IGFN1: variants seen among roughly 807,000 people sequenced by gnomAD.
The protein encoded by IGFN1 is immunoglobulin-like and fibronectin type III domain-containing protein 1.
A neutral mutation model predicts 289.5 loss-of-function variants in IGFN1; 253 were observed. The ratio of observed to expected loss-of-function variants is 0.87; its 90% confidence interval spans 0.79 to 0.97. IGFN1 has a LOEUF of 0.97. Ranked by LOEUF, IGFN1 falls within the 50% of genes least tolerant of loss-of-function variation. The pLI, the probability that IGFN1 is intolerant of heterozygous loss-of-function variation, is 0.00. For synonymous variants in IGFN1, 1,706 were observed against 1,788.5 expected (o/e 0.95, Z 1.16); for missense variants, 4,470 against 4,686.1 (o/e 0.95, Z 1.35).
chr1:201,194,694 A>T (rs936177971), intron 3 of IGFN1, among the ~76,000 whole-genome samples: 2 of 152,204 alleles, frequency 1.3e-5, no homozygotes, highest in Non-Finnish European at 2.9e-5. Flanking sequence ...TGTGGCTCAC[A>T]GGCTGGGCTC....
Position 201,210,021 on chromosome 1 carries a change from T to C in IGFN1, c.5128T>C (p.Tyr1710His). 1 of 1,472,502 alleles carries C rather than the reference T, an allele frequency of 6.8e-7. No individual in the cohort carries two copies. Among genetic ancestry groups the C allele is most frequent in the South Asian group, 1.2e-5 (1 of 80,762 alleles). 91.2% of individuals were successfully genotyped at this position (1,472,502 alleles called of 1,614,324 possible). A position where few individuals can be genotyped will look rare whatever the true frequency, so the allele number is the denominator to read the frequency against. ...VEMGSVNEAG[Y>H]RKDLGAPEGM... Reference sequence around the variant, plus strand: ...AATGGGGTCAGTGAATGAGGCAGGTTATAGGAAGGATTTGGGGGCTCCTGA... The same window carrying C: ...AATGGGGTCAGTGAATGAGGCAGGTCATAGGAAGGATTTGGGGGCTCCTGA... The change falls in exon 12 of 24, where the codon TAT becomes CAT. Residue 1710 changes from tyrosine to histidine, a missense_variant. Physicochemically the swap from Tyr to His is moderately conservative, Grantham distance 83. Around this residue, in one of 8 missense-constraint regions of IGFN1, gnomAD observed 49 missense variants for 62.6 expected, o/e 0.78. Coordinates refer to ENST00000335211, the MANE Select transcript of IGFN1 (RefSeq NM_001164586.2).
intron 23 of IGFN1, 61 bp downstream of exon 23, chr1:201,227,269 T>A: frequency 7.2e-7 from 1 of 1,382,500 alleles, no homozygotes. Context: ...ACCACCTGCC[T>A]GTCAGGGAGG....
intron 15 of IGFN1, 57 bp downstream of exon 15, chr1:201,215,895 T>G: frequency 6.5e-7 from 1 of 1,533,976 alleles, no homozygotes; most frequent in Non-Finnish European, 8.9e-7. Context: ...TTCTGGGCCC[T>G]CCCTGCCATC....
intron 7 of IGFN1, 42 bp downstream of exon 7, chr1:201,199,696 T>A: frequency 6.6e-7 from 1 of 1,518,624 alleles, no homozygotes. Flanking sequence ...GAGGCTCCCA[T>A]AGTATTCACC....
intron 11 of IGFN1, 143 bp downstream of exon 11, chr1:201,205,497 T>C (rs1475269115): frequency 4.1e-6 from 4 of 965,450 alleles, no homozygotes; most frequent in Non-Finnish European, 6.0e-6. Context: ...CCCACTGCAG[T>C]GCAGACCTTC....
Position 201,210,903 on chromosome 1 carries a change from G to T in IGFN1, c.6010G>T (p.Ala2004Ser). Residue 2004 changes from alanine to serine, a missense_variant, in exon 12 of 24, where the codon GCT becomes TCT. Transcript: ENST00000335211. ...DEAGYRKDLG[A>S]PEGIGSGSKA... Reference sequence around the variant, plus strand: ...GGCAGGTTATAGGAAGGATTTGGGGGCTCCTGAGGGAATAGGTTCAGGGAG... The same window carrying T: ...GGCAGGTTATAGGAAGGATTTGGGGTCTCCTGAGGGAATAGGTTCAGGGAG... 2 of 1,528,458 alleles carry T rather than the reference G, an allele frequency of 1.3e-6. No homozygotes were observed. The highest frequency in any genetic ancestry group is 2.4e-5 in the South Asian group (2 of 82,816). 94.7% of individuals were successfully genotyped at this position (1,528,458 alleles called of 1,614,324 possible).
chr1:201,224,442 G>A (rs1653947583), intron 20 of IGFN1, among the ~76,000 whole-genome samples: 1 of 152,068 alleles, frequency 6.6e-6, no homozygotes, highest in South Asian at 2.1e-4. Flanking sequence ...GAACCTCTTC[G>A]TCCAACTTCC....
intron 8 of IGFN1, 61 bp downstream of exon 8, chr1:201,200,472 G>A: frequency 7.1e-7 from 1 of 1,399,338 alleles, no homozygotes; most frequent in Admixed American, 2.0e-5. Flanking sequence ...GACCATAGGT[G>A]CCTCACACCT....
chr1:201,206,619 G>C lies in IGFN1; in HGVS notation c.1726G>C (p.Glu576Gln). 2.6e-6 allele frequency: 4 copies of C among 1,542,840 alleles called. No individual in the cohort carries two copies. Among genetic ancestry groups the C allele is most frequent in the Non-Finnish European group, 3.5e-6 (4 of 1,146,944 alleles). The change falls in exon 12 of 24, where the codon GAA (glutamate) becomes CAA (glutamine). Residue 576 changes from glutamate (E) to glutamine (Q), a missense_variant. Transcript: ENST00000335211. Reference protein sequence around the residue: ...LQAGGLGSSREGKEHRGDSGR... With the variant: ...LQAGGLGSSRQGKEHRGDSGR... ...GGCTGGAGGACTGGGGAGCAGCAGG[G>C]AAGGAAAGGAGCACAGAGGGGACAG... is the stretch of plus-strand genomic sequence containing the variant.
Position 201,221,570 on chromosome 1 carries a change from G to T in IGFN1, c.10025G>T (p.Ser3342Ile). 6.2e-7 allele frequency: 1 copy of T among 1,614,216 alleles called. No homozygotes were observed. ...CAGGGGTATGTGGTGGAGCTGTGCA[G>T]CTCAGACAGTCTCCAGTGGCTCCCG... ...EAQGYVVELCSSDSLQWLPCH... is the reference protein window; with the variant it reads ...EAQGYVVELCISDSLQWLPCH... The change falls in exon 19 of 24, where the codon AGC becomes ATC. Residue 3342 changes from serine to isoleucine, a missense_variant. Transcript: ENST00000335211.
rs1225226404 is a variant in IGFN1, at chr1:201,194,272, G to A, written c.126G>A (p.Glu42=). ...EQKPVTSALP[E]GKNAVFRAVV... is the part of the protein sequence containing the mutation. ...AGCCCGTCACCTCGGCTCTGCCAGAGGGTGAGCCCAGAGGGGAGCTGCGGA... is the reference window on the plus strand; with the variant it reads ...AGCCCGTCACCTCGGCTCTGCCAGAAGGTGAGCCCAGAGGGGAGCTGCGGA... Residue 42 remains glutamate (E), a splice_region_variant and synonymous_variant, in exon 3 of 24, where the codon GAG becomes GAA. Transcript: ENST00000335211. 6.4e-7 allele frequency: 1 copy of A among 1,551,332 alleles called. No homozygotes were observed. The highest frequency in any genetic ancestry group is 1.2e-5 in the South Asian group (1 of 84,038).
At position 201,211,980 on chromosome 1, in the gene IGFN1, G is replaced by A. The variant is rs1323240566; in HGVS notation, c.7087G>A (p.Gly2363Arg). 4 of 1,535,238 alleles carry A rather than the reference G, an allele frequency of 2.6e-6. No homozygotes were observed. Residue 2363 changes from glycine to arginine, a missense_variant, in exon 12 of 24, where the codon GGG (glycine) becomes AGG (arginine). Physicochemically the swap from Gly to Arg is moderately radical, Grantham distance 125. This residue lies in a region of IGFN1 where 2,218 missense variants were observed against 2,114.1 expected (regional missense o/e 1.05). Coordinates refer to ENST00000335211, the MANE Select transcript of IGFN1 (RefSeq NM_001164586.2). ...EGKMGYGDGSGRLGVPGSLAG... is the reference protein window; with the variant it reads ...EGKMGYGDGSRRLGVPGSLAG... ...TAAGATGGGTTATGGAGATGGTTCAGGGAGGCTTGGAGTACCAGGCTCACT... is the reference window on the plus strand; with the variant it reads ...TAAGATGGGTTATGGAGATGGTTCAAGGAGGCTTGGAGTACCAGGCTCACT...
intron 9 of IGFN1, among the ~76,000 whole-genome samples, chr1:201,202,304 C>T (rs892445940): frequency 2.0e-5 from 3 of 152,294 alleles, no homozygotes; most frequent in East Asian, 3.9e-4. Flanking sequence ...GCTGTATGAC[C>T]TCAGACAAGA....
chr1:201,206,977 G>A lies in IGFN1; in HGVS notation c.2084G>A (p.Trp695Ter). The A allele has an allele frequency of 6.5e-7, 1 of 1,536,168 alleles. No homozygotes were observed. Among genetic ancestry groups the A allele is most frequent in the Non-Finnish European group, 8.7e-7 (1 of 1,146,410 alleles). ...AAGGTGGGCATGGCCCCTGAATCCT[G>A]GGGTTCTCAGGGAGGTAGAGATGCT... The part of the protein sequence containing the change: ...GSKVGMAPES[W>*]GSQGGRDADY... Residue 695 changes from tryptophan (W) to a stop codon, truncating the protein, a stop_gained, in exon 12 of 24, where the codon TGG becomes TAG. Coordinates refer to ENST00000335211, the MANE Select transcript of IGFN1 (RefSeq NM_001164586.2). LOFTEE classifies it high-confidence loss of function.
At chr1:201,204,204 A>G (rs1465919198) in intron 10 of IGFN1, among the ~76,000 whole-genome samples, 3 of 152,236 alleles carry the variant, frequency 2.0e-5, no homozygotes, top group Admixed American at 2.0e-4. Context: ...TTTTCAGATC[A>G]GATCCAGACT....
At position 201,218,716 on chromosome 1, in the gene IGFN1, C is replaced by A. The variant is rs191554593; in HGVS notation, c.9898+58C>A. 3.0e-5 allele frequency: 46 copies of A among 1,533,640 alleles called. No individual in the cohort carries two copies. The African/African-American group carries it at 5.2e-4, about 17-fold the overall frequency. On this transcript the variant is annotated intron_variant, in intron 18 of 23. Transcript: ENST00000335211. ...AGGTGAGCATGGGATAGCCCTGAAGCTGGGTGGGACTTGATGGGAGGTCAA... is the reference window on the plus strand; with the variant it reads ...AGGTGAGCATGGGATAGCCCTGAAGATGGGTGGGACTTGATGGGAGGTCAA...
Position 201,208,033 on chromosome 1 carries a change from A to C in IGFN1, c.3140A>C (p.Asp1047Ala). 3.3e-6 allele frequency: 5 copies of C among 1,536,884 alleles called. No individual in the cohort carries two copies. Among genetic ancestry groups the C allele is most frequent in the Non-Finnish European group, 4.4e-6 (5 of 1,146,840 alleles). The change falls in exon 12 of 24, where the codon GAT becomes GCT. Residue 1047 changes from aspartate (D) to alanine (A), a missense_variant. Coordinates refer to ENST00000335211, the MANE Select transcript of IGFN1 (RefSeq NM_001164586.2). The stretch of plus-strand genomic sequence containing the variant: ...CTTAAAAATGGCTCAGGTGGTCCTG[A>C]TGGAGCACCCATGAATGACACCAGG... The part of the protein sequence containing the change: ...ASLKNGSGGP[D>A]GAPMNDTRNW...
chr1:201,224,841 G>A lies in IGFN1; in HGVS notation c.10453G>A (p.Glu3485Lys). The change falls in exon 21 of 24, where the codon GAG (glutamate) becomes AAG (lysine). Residue 3485 changes from glutamate (E) to lysine (K), a missense_variant. By Grantham distance (56) the Glu-to-Lys change is moderately conservative (BLOSUM62 1). Transcript: ENST00000335211. ...TVVLRTLQGK[E>K]VAHSFRIRVA... ...GGTGCTGAGGACCCTGCAGGGGAAGGAGGTTGCCCACAGCTTCCGTATCAG... is the reference window on the plus strand; with the variant it reads ...GGTGCTGAGGACCCTGCAGGGGAAGAAGGTTGCCCACAGCTTCCGTATCAG... The A allele has an allele frequency of 6.2e-7, 1 of 1,613,892 alleles. No individual in the cohort carries two copies. Among genetic ancestry groups the A allele is most frequent in the South Asian group, 1.1e-5 (1 of 90,992 alleles).
At chr1:201,213,675 C>T in intron 12 of IGFN1, 54 bp downstream of exon 12, 2 of 1,447,694 alleles carry the variant, frequency 1.4e-6, no homozygotes, top group Non-Finnish European at 1.9e-6. Context: ...GTGGGGAGCT[C>T]CCTGGCCACT....
Sources: gnomAD v4.1 joint callset for allele counts (sites outside exome capture counted in the v4.1 genomes callset) on GRCh38, gnomAD v4.1.1 for gene constraint, gnomAD v4.1.1 regional missense constraint, MANE v1.5 for transcripts, NCBI Gene and HGNC (gene_info 2026-07-23, HGNC 2026-07-21) for gene names.